The following ELMO1 variants were observed in gnomAD, a reference collection of about 807,000 sequenced individuals.
ELMO1 encodes the protein engulfment and cell motility 1, also known as engulfment and cell motility protein 1.
Under a neutral mutation model 98.9 loss-of-function variants are expected in ELMO1, and 26 were observed. The ratio of observed to expected loss-of-function variants is 0.26; its 90% CI spans 0.19 to 0.36. The LOEUF is 0.36. Ranked by LOEUF, ELMO1 falls within the 10% of genes least tolerant of loss-of-function variation. The pLI, the probability that ELMO1 is intolerant of heterozygous loss-of-function variation, is 1.00. For missense variants in ELMO1, 627 were observed against 935.2 expected, an observed-to-expected ratio of 0.67 and a Z score of 4.30; for synonymous variants, 346 against 346.0, an observed-to-expected ratio of 1.00 and a Z score of 0.00.
At chr7:37,377,506 C>T (rs778279830) in intron 1 of ELMO1, among the ~76,000 whole-genome samples, 26 of 152,066 alleles carry the variant, frequency 1.7e-4, no homozygotes, top group African/African-American at 3.6e-4. Flanking sequence ...GAACAGAGGA[C>T]GGTCACCCCT....
At chr7:37,234,450 G>A (rs548864006) in intron 7 of ELMO1, among the ~76,000 whole-genome samples, 12 of 152,292 alleles carry the variant, frequency 7.9e-5, no homozygotes, top group African/African-American at 2.9e-4. Context: ...CATCACCACA[G>A]AAGATGTAAT....
At chr7:37,020,501 A>C (rs1357327233) in intron 15 of ELMO1, among the ~76,000 whole-genome samples, 1 of 152,212 alleles carries the variant, frequency 6.6e-6, no homozygotes, top group Non-Finnish European at 1.5e-5. Flanking sequence ...AATCCTACCT[A>C]ATGCAGACCA....
At chr7:37,204,295 G>A (rs776296149) in intron 13 of ELMO1, 36 of 447,564 alleles carry the variant, frequency 8.0e-5, no homozygotes, top group Admixed American at 9.5e-5. Flanking sequence ...TCTGATGTTC[G>A]GACATGTCCA....
At chr7:36,999,765 T>C (rs1792503759) in intron 16 of ELMO1, among the ~76,000 whole-genome samples, 1 of 152,140 alleles carries the variant, frequency 6.6e-6, no homozygotes, top group African/African-American at 2.4e-5. Context: ...TGGCTCCATG[T>C]CATCTTTGTG....
At chr7:36,905,961 A>G (rs17170771) in intron 16 of ELMO1, among the ~76,000 whole-genome samples, 3,939 of 152,324 alleles carry the variant, frequency 0.026, 173 homozygotes, top group African/African-American at 0.09. Flanking sequence ...TGTTTTGCAT[A>G]AGCTGTTAAA....
At chr7:37,248,900 A>G (rs1253898640) in intron 6 of ELMO1, among the ~76,000 whole-genome samples, 2 of 152,262 alleles carry the variant, frequency 1.3e-5, no homozygotes, top group Admixed American at 1.3e-4. Flanking sequence ...GTTTCAAAAC[A>G]GAAATTCATC....
At chr7:37,195,061 C>T (rs1791881046) in intron 13 of ELMO1, among the ~76,000 whole-genome samples, 2 of 152,174 alleles carry the variant, frequency 1.3e-5, no homozygotes, top group Admixed American at 1.3e-4. Flanking sequence ...TAAGCAAGTA[C>T]AAACTACGTG....
intron 1 of ELMO1, among the ~76,000 whole-genome samples, chr7:37,388,711 G>A (rs1802929395): frequency 6.6e-6 from 1 of 151,918 alleles, no homozygotes; most frequent in Admixed American, 6.6e-5. Context: ...TGAGGTAGGA[G>A]GAGATCTCTT....
chr7:36,907,714 G>C (rs1433548039), intron 16 of ELMO1, among the ~76,000 whole-genome samples: 6 of 152,164 alleles, frequency 3.9e-5, no homozygotes, highest in Non-Finnish European at 7.3e-5. Flanking sequence ...TTACTGATGA[G>C]TCCTTTGGAG....
chr7:37,122,670 C>T (rs529045640), intron 14 of ELMO1, among the ~76,000 whole-genome samples: 1 of 152,076 alleles, frequency 6.6e-6, no homozygotes, highest in African/African-American at 2.4e-5. Context: ...ACTTAGACTC[C>T]CACACAATAA....
At chr7:37,020,226 A>C (rs1435005540) in intron 15 of ELMO1, among the ~76,000 whole-genome samples, 1 of 152,224 alleles carries the variant, frequency 6.6e-6, no homozygotes, top group Non-Finnish European at 1.5e-5. Flanking sequence ...AAATTCCAGC[A>C]GTCTCCATAT....
At chr7:37,446,500 C>T (rs1315467624) in intron 1 of ELMO1, among the ~76,000 whole-genome samples, 1 of 152,194 alleles carries the variant, frequency 6.6e-6, no homozygotes, top group Non-Finnish European at 1.5e-5. Context: ...AGTGAGTCAT[C>T]TGGACATGTG....
chr7:36,935,689 T>G (rs1786467394), intron 16 of ELMO1, among the ~76,000 whole-genome samples: 2 of 152,170 alleles, frequency 1.3e-5, no homozygotes, highest in Non-Finnish European at 2.9e-5. Flanking sequence ...TTGAGGCTCT[T>G]AATGCTCTTA....
At chr7:37,288,315 C>G (rs1011308720) in intron 4 of ELMO1, among the ~76,000 whole-genome samples, 33 of 151,982 alleles carry the variant, frequency 2.2e-4, no homozygotes, top group South Asian at 2.1e-4. Flanking sequence ...ATCTCTGCCT[C>G]CTGGGTTCAA....
intron 19 of ELMO1, among the ~76,000 whole-genome samples, chr7:36,872,578 C>T (rs1445998415): frequency 6.6e-6 from 1 of 152,140 alleles, no homozygotes; most frequent in Non-Finnish European, 1.5e-5. Flanking sequence ...TGTGGGTGGT[C>T]CCTATGATTC....
chr7:36,971,740 T>C (rs1333324183), intron 16 of ELMO1, among the ~76,000 whole-genome samples: 2 of 152,214 alleles, frequency 1.3e-5, no homozygotes, highest in Non-Finnish European at 2.9e-5. Flanking sequence ...AAAAGATCAG[T>C]GAGTTAATCC....
Position 36,855,812 on chromosome 7 carries a change from A to T in ELMO1, c.1984-61T>A, listed in dbSNP as rs1802156742. ...TGGCAATTACAGAAGTATTAATAGT[A>T]AAAATAGCTAACAGTGAATACTCAT... is the stretch of plus-strand genomic sequence containing the variant. On this transcript the variant is annotated intron_variant, in intron 21 of 21. Coordinates refer to ENST00000310758, the MANE Select transcript of ELMO1 (RefSeq NM_014800.11). The surrounding 1 kb of genome is among the most constrained non-coding windows in gnomAD (Gnocchi z 4.2). 6.3e-7 allele frequency: 1 copy of T among 1,586,190 alleles called. No homozygotes were observed. Among genetic ancestry groups the T allele is most frequent in the African/African-American group, 1.3e-5 (1 of 74,518 alleles).
intron 1 of ELMO1, among the ~76,000 whole-genome samples, chr7:37,414,898 C>G (rs1804148551): frequency 6.6e-6 from 1 of 152,150 alleles, no homozygotes; most frequent in Admixed American, 6.5e-5. Context: ...CACTAATAAT[C>G]CTTTTTTTTC....
intron 16 of ELMO1, among the ~76,000 whole-genome samples, chr7:37,006,841 G>A (rs1192677190): frequency 6.6e-6 from 1 of 152,080 alleles, no homozygotes; most frequent in African/African-American, 2.4e-5. Flanking sequence ...TATGACATTG[G>A]GGTCTATTTG....
Sources: gnomAD v4.1 joint callset for allele counts (sites outside exome capture counted in the v4.1 genomes callset) on GRCh38, gnomAD v4.1.1 for gene constraint, Gnocchi (gnomAD v3.1) non-coding constraint, MANE v1.5 for transcripts, NCBI Gene and HGNC (gene_info 2026-07-23, HGNC 2026-07-21) for gene names.